LOC112694756: variants seen among roughly 807,000 people sequenced by gnomAD.
At chr16:30,065,138 T>G in the LOC112694756 span, among the ~76,000 whole-genome samples, 2 of 152,294 alleles carry the variant, frequency 1.3e-5, no homozygotes, top group South Asian at 4.1e-4. Context: ...GGAACTCGGA[T>G]GGGGAGGTCT....
At chr16:30,061,130 C>G in the LOC112694756 span, among the ~76,000 whole-genome samples, 6 of 152,282 alleles carry the variant, frequency 3.9e-5, no homozygotes, top group Non-Finnish European at 7.3e-5. Flanking sequence ...GACTCCAGCC[C>G]ATGCCTAAGG....
At chr16:30,065,827 G>C in the LOC112694756 span, 16 of 152,952 alleles carry the variant, frequency 1.0e-4, no homozygotes, top group African/African-American at 3.4e-4. Flanking sequence ...CGCCGCAGAA[G>C]GGGTCCTGGT....
chr16:30,068,942 C>T, the LOC112694756 span: 18 of 1,614,128 alleles, frequency 1.1e-5, no homozygotes, highest in Non-Finnish European at 1.5e-5. Context: ...TGGAAAATGC[C>T]AATGTTCTGG....
the LOC112694756 span, chr16:30,068,677 CA>C: frequency 6.2e-7 from 1 of 1,614,206 alleles, no homozygotes; most frequent in Non-Finnish European, 8.5e-7. Context: ...CTGGCAGGGA[CA>C]AATGGCGAGA....
At chr16:30,069,495 C>T in the LOC112694756 span, 5 of 1,614,000 alleles carry the variant, frequency 3.1e-6, no homozygotes, top group African/African-American at 2.7e-5. Context: ...CTGCTCTGCT[C>T]CAGGTGCTGG....
chr16:30,068,454 C>G, the LOC112694756 span: 2 of 679,846 alleles, frequency 2.9e-6, no homozygotes, highest in Non-Finnish European at 5.4e-6. Context: ...TGGGGGAAGA[C>G]TGGGGCTAAA....
chr16:30,067,145 C>T, the LOC112694756 span: 1 of 1,590,078 alleles, frequency 6.3e-7, no homozygotes, highest in Non-Finnish European at 8.6e-7. Context: ...GGGAACATTT[C>T]CCTGACCTCC....
At chr16:30,065,506 C>A in the LOC112694756 span, among the ~76,000 whole-genome samples, 2 of 152,208 alleles carry the variant, frequency 1.3e-5, no homozygotes, top group African/African-American at 2.4e-5. Flanking sequence ...GCGCGCCAGG[C>A]TGGGGGAAAG....
the LOC112694756 span, among the ~76,000 whole-genome samples, chr16:30,061,279 CTTCT>C: frequency 3.9e-5 from 6 of 152,380 alleles, no homozygotes; most frequent in African/African-American, 9.6e-5. Context: ...GAGAAGCCCT[CTTCT>C]TTCTTCTTTG....
the LOC112694756 span, chr16:30,069,634 G>C: frequency 6.2e-7 from 1 of 1,613,804 alleles, no homozygotes; most frequent in Non-Finnish European, 8.5e-7. Context: ...CATGGCGACC[G>C]TCACAGCGCT....
chr16:30,061,238 A>C, the LOC112694756 span, among the ~76,000 whole-genome samples: 1 of 152,258 alleles, frequency 6.6e-6, no homozygotes, highest in Non-Finnish European at 1.5e-5. Context: ...CCTATTCCCC[A>C]AAGAGACAGA....
chr16:30,063,858 G>A, the LOC112694756 span: 1 of 399,110 alleles, frequency 2.5e-6, no homozygotes, highest in East Asian at 3.6e-5. Context: ...CAGGGCCCCT[G>A]CCCTCTGGGG....
chr16:30,064,031 GCTC>G, the LOC112694756 span: 1 of 398,840 alleles, frequency 2.5e-6, no homozygotes, highest in Non-Finnish European at 4.4e-6. Context: ...CTGGACGGCA[GCTC>G]CTCTGGAGGG....
At chr16:30,053,519 C>G in the LOC112694756 span, 1 of 152,982 alleles carries the variant, frequency 6.5e-6, no homozygotes, top group Non-Finnish European at 1.5e-5. Flanking sequence ...GGCCCCTTCC[C>G]CTCTCTGGGC....
At chr16:30,067,434 C>T in the LOC112694756 span, 2 of 1,613,634 alleles carry the variant, frequency 1.2e-6, no homozygotes, top group Non-Finnish European at 1.7e-6. Context: ...CCCTAATTCC[C>T]ATGTGACACT....
the LOC112694756 span, chr16:30,054,597 G>T: frequency 2.6e-6 from 1 of 391,620 alleles, no homozygotes; most frequent in Non-Finnish European, 4.5e-6. Context: ...TTGCTGAACT[G>T]GGAATGATAG....
chr16:30,056,085 G>A, the LOC112694756 span, among the ~76,000 whole-genome samples: 3 of 147,066 alleles, frequency 2.0e-5, no homozygotes, highest in African/African-American at 7.6e-5. Flanking sequence ...ACAGGCGTGA[G>A]CCACCATGGC....
the LOC112694756 span, chr16:30,067,227 T>C: frequency 6.2e-7 from 1 of 1,612,120 alleles, no homozygotes; most frequent in Admixed American, 1.7e-5. Context: ...CTGTTTCCTG[T>C]ATCCAGGAAC....
chr16:30,067,102 C>A, the LOC112694756 span: 4 of 1,569,494 alleles, frequency 2.5e-6, no homozygotes, highest in Non-Finnish European at 3.5e-6. Flanking sequence ...CAGAAGTGCC[C>A]CAGGGCCTGC....
Sources: gnomAD v4.1 joint callset for allele counts (sites outside exome capture counted in the v4.1 genomes callset) on GRCh38, gnomAD v4.1.1 for gene constraint, MANE v1.5 for transcripts.